Variants in SMCO2 observed in about 807,000 individuals in gnomAD.
The protein encoded by SMCO2 is single-pass membrane protein with coiled-coil domains 2.
Under a neutral mutation model 29.5 loss-of-function variants are expected in SMCO2, and 25 were observed. The observed-to-expected ratio is 0.85, with a 90% CI of 0.62 to 1.18. The LOEUF is 1.18. SMCO2 is among the 50% of genes most tolerant of loss of function. The pLI, the probability that SMCO2 is intolerant of heterozygous loss-of-function variation, is 0.00. For missense variants in SMCO2, 348 were observed against 344.5 expected, an observed-to-expected ratio of 1.01 and a Z score of -0.08; for synonymous variants, 117 against 123.3, an observed-to-expected ratio of 0.95 and a Z score of 0.34.
chr12:27,450,003 C>T, the SMCO2 span, among the ~76,000 whole-genome samples: 2 of 152,190 alleles, frequency 1.3e-5, no homozygotes, highest in South Asian at 4.1e-4. Context: ...CCAGTTTTAG[C>T]TCATGACCCC....
the SMCO2 span, among the ~76,000 whole-genome samples, chr12:27,447,731 A>T: frequency 6.8e-6 from 1 of 148,000 alleles, no homozygotes; most frequent in South Asian, 2.1e-4. Context: ...TCTGTCTCAA[A>T]AAAAAAAAAA....
At chr12:27,439,022 A>G in the SMCO2 span, among the ~76,000 whole-genome samples, 2 of 152,156 alleles carry the variant, frequency 1.3e-5, no homozygotes, top group Non-Finnish European at 2.9e-5. Context: ...AGTGAAATTG[A>G]GGTGGTTAAT....
chr12:27,429,156 T>A, the SMCO2 span, among the ~76,000 whole-genome samples: 2 of 152,188 alleles, frequency 1.3e-5, no homozygotes, highest in African/African-American at 4.8e-5. Context: ...ACACTATTTC[T>A]TTGTAGTAAC....
the SMCO2 span, among the ~76,000 whole-genome samples, chr12:27,447,949 C>G: frequency 6.6e-6 from 1 of 152,210 alleles, no homozygotes; most frequent in African/African-American, 2.4e-5. Flanking sequence ...TTCCCTAGCA[C>G]TTAACACATT....
chr12:27,477,704 T>C (rs1949602261), intron 4 of SMCO2, among the ~76,000 whole-genome samples: 1 of 150,868 alleles, frequency 6.6e-6, no homozygotes, highest in Non-Finnish European at 1.5e-5. Flanking sequence ...AATGTTTTCT[T>C]CTGCTTGATC....
At chr12:27,428,838 CA>C in the SMCO2 span, among the ~76,000 whole-genome samples, 8 of 52,404 alleles carry the variant, frequency 1.5e-4, no homozygotes, top group African/African-American at 5.1e-4. Context: ...TTTTTTTTTA[CA>C]AAACTACACT....
intron 5 of SMCO2, among the ~76,000 whole-genome samples, 157 bp downstream of exon 6, chr12:27,488,704 A>G (rs1000041098): frequency 1.2e-4 from 18 of 152,144 alleles, no homozygotes; most frequent in African/African-American, 4.3e-4. Flanking sequence ...CCTGAGTAAC[A>G]CTGCTTTTAT....
chr12:27,457,643 T>C, the SMCO2 span, among the ~76,000 whole-genome samples: 1 of 152,238 alleles, frequency 6.6e-6, no homozygotes, highest in Non-Finnish European at 1.5e-5. Flanking sequence ...AGGCAACGTG[T>C]GGGCTCAAGT....
At chr12:27,456,521 C>T in the SMCO2 span, among the ~76,000 whole-genome samples, 1 of 151,988 alleles carries the variant, frequency 6.6e-6, no homozygotes, top group Non-Finnish European at 1.5e-5. Context: ...TGGGCTCAAG[C>T]GATCCTCCCA....
At chr12:27,447,182 A>G in the SMCO2 span, among the ~76,000 whole-genome samples, 1 of 152,192 alleles carries the variant, frequency 6.6e-6, no homozygotes, top group Non-Finnish European at 1.5e-5. Flanking sequence ...GGGGCCCTGT[A>G]TGATGGGTTT....
the SMCO2 span, among the ~76,000 whole-genome samples, chr12:27,441,552 T>A: frequency 1.3e-5 from 2 of 152,168 alleles, no homozygotes; most frequent in Admixed American, 6.5e-5. Context: ...TAAACATCTA[T>A]GCACCTAACA....
At chr12:27,474,727 AC>A in intron 3 of SMCO2, 58 bp from the exon 4 acceptor site, 2 of 1,543,222 alleles carry the variant, frequency 1.3e-6, no homozygotes, top group Non-Finnish European at 1.8e-6. Flanking sequence ...GGCTGGAAGA[AC>A]CACCACATCT....
At chr12:27,432,929 T>C in the SMCO2 span, among the ~76,000 whole-genome samples, 66 of 152,320 alleles carry the variant, frequency 4.3e-4, no homozygotes, top group South Asian at 0.012. Context: ...CACAGAACCA[T>C]TTTTGTTATA....
At chr12:27,444,410 G>A in the SMCO2 span, among the ~76,000 whole-genome samples, 1 of 152,090 alleles carries the variant, frequency 6.6e-6, no homozygotes, top group African/African-American at 2.4e-5. Context: ...AAAACACAGG[G>A]CAAATACTCA....
chr12:27,431,486 T>C, the SMCO2 span, among the ~76,000 whole-genome samples: 1 of 152,232 alleles, frequency 6.6e-6, no homozygotes, highest in South Asian at 2.1e-4. Flanking sequence ...TCGAATACTT[T>C]AAATACAAAT....
chr12:27,495,890 G>A, intron 7 of SMCO2, 35 bp downstream of exon 8: 2 of 1,376,764 alleles, frequency 1.5e-6, no homozygotes, highest in African/African-American at 1.5e-5. Context: ...AGGGCTGGAT[G>A]ACTGCCCCAA....
chr12:27,489,570 A>T (rs978486236), intron 5 of SMCO2, among the ~76,000 whole-genome samples: 5 of 152,204 alleles, frequency 3.3e-5, no homozygotes, highest in Admixed American at 1.3e-4. Flanking sequence ...AGATTTTGGA[A>T]GCAGTAAAAG....
chr12:27,488,338 A>G, intron 4 of SMCO2, 122 bp from the exon 6 acceptor site: 1 of 537,594 alleles, frequency 1.9e-6, no homozygotes, highest in Non-Finnish European at 3.0e-6. Context: ...ATTGCAATAC[A>G]AGCACTACCA....
At chr12:27,444,078 C>A in the SMCO2 span, among the ~76,000 whole-genome samples, 1 of 152,100 alleles carries the variant, frequency 6.6e-6, no homozygotes, top group Non-Finnish European at 1.5e-5. Flanking sequence ...AAATTTACCA[C>A]AAAGCTATAG....
Sources: allele counts gnomAD v4.1 joint callset (sites outside exome capture counted in the v4.1 genomes callset), GRCh38; gene constraint gnomAD v4.1.1; transcripts MANE v1.5; gene names NCBI Gene and HGNC (gene_info 2026-07-23, HGNC 2026-07-21).